Variants in TADA2A observed in about 807,000 individuals in gnomAD.
TADA2A encodes transcriptional adapter 2-alpha.
Under a neutral mutation model 67.4 loss-of-function variants are expected in TADA2A, and 38 were observed. The observed-to-expected ratio is 0.56, with a 90% CI of 0.44 to 0.74. TADA2A has a LOEUF of 0.74. Among genes scored for constraint, TADA2A ranks in the 30% least tolerant of loss-of-function variants. TADA2A has a pLI of 0.00. For missense variants in TADA2A, 454 were observed against 547.0 expected (o/e 0.83, Z 1.70); for synonymous variants, 192 against 181.6 (o/e 1.06, Z -0.46).
intron 2 of TADA2A, among the ~76,000 whole-genome samples, chr17:37,416,320 G>A (rs1002196415): frequency 6.6e-6 from 1 of 151,360 alleles, no homozygotes; most frequent in Admixed American, 6.6e-5. Flanking sequence ...GCTTTCCTTC[G>A]TGTTGGCCAG....
At position 37,474,598 on chromosome 17, in the gene TADA2A, G is replaced by C; in HGVS notation, c.1115G>C (p.Gly372Ala). The C allele has an allele frequency of 6.2e-7, 1 of 1,613,410 alleles. No individual in the cohort carries two copies. Among genetic ancestry groups the C allele is most frequent in the Non-Finnish European group, 8.5e-7 (1 of 1,179,740 alleles). ...CCCTTGAACCTCACTGGCCTCCCTG[G>C]CACAGAGAAGCTGAATGAAAAAGAA... is the stretch of plus-strand genomic sequence containing the variant. ...APPLNLTGLP[G>A]TEKLNEKEKE... The change falls in exon 15 of 16, where the codon GGC becomes GCC. Residue 372 changes from glycine (G) to alanine (A), a missense_variant. Physicochemically the swap from Gly to Ala is moderately conservative, Grantham distance 60. This residue lies in a region of TADA2A where 51 missense variants were observed against 91.5 expected (regional missense o/e 0.56). Transcript: ENST00000615182.
chr17:37,470,621 A>G (rs1169643570), intron 13 of TADA2A, 89 bp downstream of exon 13: 1 of 1,337,686 alleles, frequency 7.5e-7, no homozygotes, highest in African/African-American at 1.5e-5. Context: ...ATGGCAGAGT[A>G]ATAATAATTG....
At chr17:37,439,043 G>A (rs893149093) in intron 5 of TADA2A, among the ~76,000 whole-genome samples, 2 of 152,104 alleles carry the variant, frequency 1.3e-5, no homozygotes, top group Non-Finnish European at 2.9e-5. Context: ...GTGAAATGCT[G>A]TGAAAAAGAG....
chr17:37,429,024 C>G (rs1286638485), intron 4 of TADA2A, among the ~76,000 whole-genome samples: 2 of 125,882 alleles, frequency 1.6e-5, no homozygotes, highest in African/African-American at 6.3e-5. Flanking sequence ...CCAGCCTGGG[C>G]AACAGAGTGA....
chr17:37,467,062 C>T (rs1307730045), intron 11 of TADA2A, among the ~76,000 whole-genome samples: 2 of 151,936 alleles, frequency 1.3e-5, no homozygotes, highest in Non-Finnish European at 2.9e-5. Flanking sequence ...GACGCTGAGG[C>T]AGGGGGAATT....
Position 37,421,515 on chromosome 17 carries a change from C to T in TADA2A, c.26-1994C>T, listed in dbSNP as rs1409823335. On this transcript the variant is annotated intron_variant, in intron 2 of 15. Transcript: ENST00000615182. ...GCTAGCTGAGTGTGATGGCTCATAC[C>T]TGTAATCCCAACACTTTAGGAAGCT... Among the ~76,000 whole-genome samples, 2 of 147,484 alleles carry T rather than the reference C, an allele frequency of 1.4e-5. 1 individual carries two copies. Among genetic ancestry groups the T allele is most frequent in the Non-Finnish European group, 3.0e-5 (2 of 65,952 alleles).
At chr17:37,462,918 T>C (rs1597931813) in intron 10 of TADA2A, among the ~76,000 whole-genome samples, 2 of 152,262 alleles carry the variant, frequency 1.3e-5, no homozygotes, top group South Asian at 4.1e-4. Flanking sequence ...GTGATAAAAA[T>C]ACATATAGTG....
At chr17:37,463,080 C>T (rs2053584601) in intron 10 of TADA2A, among the ~76,000 whole-genome samples, 1 of 151,952 alleles carries the variant, frequency 6.6e-6, no homozygotes, top group Non-Finnish European at 1.5e-5. Flanking sequence ...GCAAGTGATC[C>T]TCCCACCTCA....
chr17:37,436,179 A>G (rs542779465), intron 4 of TADA2A, among the ~76,000 whole-genome samples: 1 of 152,300 alleles, frequency 6.6e-6, no homozygotes, highest in Non-Finnish European at 1.5e-5. Flanking sequence ...TGTCAATACT[A>G]AAGAAACATT....
At chr17:37,413,725 T>A (rs1477588391) in intron 2 of TADA2A, among the ~76,000 whole-genome samples, 1 of 151,920 alleles carries the variant, frequency 6.6e-6, no homozygotes. Flanking sequence ...TCTTTACTAT[T>A]AAGGTTGCAA....
At chr17:37,420,917 G>A (rs1162994252) in intron 2 of TADA2A, among the ~76,000 whole-genome samples, 5 of 146,670 alleles carry the variant, frequency 3.4e-5, no homozygotes, top group Non-Finnish European at 6.1e-5. Context: ...CTAGGTTGCC[G>A]TGACTCCAGA....
chr17:37,459,145 A>G (rs2053481207), intron 9 of TADA2A, among the ~76,000 whole-genome samples: 1 of 151,932 alleles, frequency 6.6e-6, no homozygotes, highest in Non-Finnish European at 1.5e-5. Flanking sequence ...CTTATCCTTT[A>G]TTGACGTTAT....
At chr17:37,445,329 G>A (rs1387607336) in intron 8 of TADA2A, among the ~76,000 whole-genome samples, 5 of 152,150 alleles carry the variant, frequency 3.3e-5, no homozygotes, top group Non-Finnish European at 7.4e-5. Context: ...GCAGTGGCGC[G>A]ATCTTGGCTC....
In TADA2A at chr17:37,440,508, G is replaced by A; in HGVS notation, c.288G>A (p.Gln96=). The A allele has an allele frequency of 1.9e-6, 3 of 1,614,078 alleles. 1 individual carries two copies. Among genetic ancestry groups the A allele is most frequent in the Non-Finnish European group, 2.5e-6 (3 of 1,179,986 alleles). The stretch of plus-strand genomic sequence containing the variant: ...TCTTTTTCCCACAATCCTCTAGGCA[G>A]GATGTAGCCAATCAAATGTGCACCA... ...AVMDCGFGNW[Q]DVANQMCTKT... The change falls in exon 6 of 16, where the codon CAG becomes CAA. Residue 96 remains glutamine (Q), a synonymous_variant. Transcript: ENST00000615182.
chr17:37,474,257 TAA>T (rs2053849193), intron 14 of TADA2A, among the ~76,000 whole-genome samples: 1 of 152,078 alleles, frequency 6.6e-6, no homozygotes, highest in African/African-American at 2.4e-5. Flanking sequence ...TAATAATAAA[TAA>T]GAGATAACTA....
At chr17:37,449,152 C>G (rs2053164254) in intron 8 of TADA2A, among the ~76,000 whole-genome samples, 1 of 152,104 alleles carries the variant, frequency 6.6e-6, no homozygotes, top group African/African-American at 2.4e-5. Flanking sequence ...TCCCGAGTAG[C>G]TGGGACTACA....
At chr17:37,407,321 C>T (rs2051604763) in intron 1 of TADA2A, 2 of 152,730 alleles carry the variant, frequency 1.3e-5, no homozygotes, top group African/African-American at 4.8e-5. Flanking sequence ...CCTAGCAGGC[C>T]CCCCAAAGTA....
intron 4 of TADA2A, among the ~76,000 whole-genome samples, chr17:37,429,832 T>C (rs962341610): frequency 4.6e-5 from 7 of 152,200 alleles, no homozygotes; most frequent in African/African-American, 1.4e-4. Flanking sequence ...ATTTCAGTCT[T>C]TTAATGGCTT....
At chr17:37,472,266 A>G (rs1376761179) in intron 14 of TADA2A, among the ~76,000 whole-genome samples, 2 of 151,960 alleles carry the variant, frequency 1.3e-5, no homozygotes, top group South Asian at 4.2e-4. Context: ...GGGTTTCGCC[A>G]TGCTGGCCAG....
Sources: allele counts gnomAD v4.1 joint callset (sites outside exome capture counted in the v4.1 genomes callset), GRCh38; gene constraint gnomAD v4.1.1; regional missense constraint gnomAD v4.1.1; transcripts MANE v1.5; gene names NCBI Gene and HGNC (gene_info 2026-07-23, HGNC 2026-07-21).